The following PCDHA6 variants were observed in gnomAD, a reference collection of about 807,000 sequenced individuals.
The protein encoded by PCDHA6 is protocadherin alpha-6.
In PCDHA6, 55 loss-of-function variants were observed where a neutral mutation model predicts 60.3. The ratio of observed to expected loss-of-function variants is 0.91; its 90% confidence interval spans 0.73 to 1.14. The LOEUF (loss-of-function observed/expected upper bound fraction) is 1.14. PCDHA6 is among the 50% of genes most tolerant of loss of function. The pLI, the probability that PCDHA6 is intolerant of heterozygous loss-of-function variation, is 0.00. For missense variants in PCDHA6, 1,327 were observed against 1,256.5 expected, an observed-to-expected ratio of 1.06 and a Z score of -0.85; for synonymous variants, 652 against 557.9, an observed-to-expected ratio of 1.17 and a Z score of -2.38.
At chr5:140,871,086 G>GGCCACC (rs782688668) in intron 1 of PCDHA6, 1 of 1,613,256 alleles carries the variant, frequency 6.2e-7, no homozygotes, top group Non-Finnish European at 8.5e-7. Context: ...TGACGGCCAC[G>GGCCACC]GCCACCGTGC....
intron 1 of PCDHA6, chr5:140,969,402 T>C: frequency 6.3e-7 from 1 of 1,579,638 alleles, no homozygotes; most frequent in Non-Finnish European, 8.6e-7. Flanking sequence ...TCCTGTGATT[T>C]GGCTTTATTG....
chr5:140,882,798 A>G, intron 1 of PCDHA6: 1 of 1,614,236 alleles, frequency 6.2e-7, no homozygotes, highest in South Asian at 1.1e-5. Context: ...CCCAACGATT[A>G]TTTCACTTTG....
At chr5:140,871,783 G>C (rs1460496699) in intron 1 of PCDHA6, among the ~76,000 whole-genome samples, 3 of 152,196 alleles carry the variant, frequency 2.0e-5, no homozygotes, top group African/African-American at 7.2e-5. Flanking sequence ...GTAGTCACTT[G>C]AGTAGAAATA....
intron 1 of PCDHA6, among the ~76,000 whole-genome samples, chr5:140,974,301 A>G (rs2096621600): frequency 6.6e-6 from 1 of 152,190 alleles, no homozygotes; most frequent in Non-Finnish European, 1.5e-5. Context: ...AGGAGGTACA[A>G]CTGTGAGTGA....
In PCDHA6 at chr5:140,857,433, T is replaced by C. The variant is rs2044590478; in HGVS notation, c.2394+26948T>C. On this transcript the variant is annotated intron_variant, in intron 1 of 3. Transcript: ENST00000529310. ...TTCGCGCAGTCCGAGTACACGGTGTTCGTGAAGGAGAACAACCCGCCAGGC... is the reference window on the plus strand; with the variant it reads ...TTCGCGCAGTCCGAGTACACGGTGTCCGTGAAGGAGAACAACCCGCCAGGC... 2.5e-6 allele frequency: 4 copies of C among 1,598,232 alleles called. 1 individual carries two copies. Among genetic ancestry groups the C allele is most frequent in the Non-Finnish European group, 3.4e-6 (4 of 1,167,768 alleles).
chr5:140,907,252 A>C (rs1459023391), intron 1 of PCDHA6, among the ~76,000 whole-genome samples: 3 of 152,152 alleles, frequency 2.0e-5, no homozygotes, highest in African/African-American at 7.2e-5. Flanking sequence ...TGTAATTGTG[A>C]CTTCAAAAGG....
intron 1 of PCDHA6, chr5:140,875,462 C>T (rs1333440854): frequency 6.3e-7 from 1 of 1,598,882 alleles, no homozygotes; most frequent in Non-Finnish European, 8.5e-7. Flanking sequence ...CAGAGGCCCT[C>T]ATTTTCTGCA....
intron 2 of PCDHA6, among the ~76,000 whole-genome samples, chr5:140,979,718 TGCCATGGG>T (rs1430155366): frequency 1.3e-5 from 2 of 152,270 alleles, no homozygotes; most frequent in Non-Finnish European, 2.9e-5. Context: ...CCAGTATCCA[TGCCATGGG>T]GCCAAATAAA....
At chr5:140,867,257 T>C (rs1396352368) in intron 1 of PCDHA6, 1 of 152,138 alleles carries the variant, frequency 6.6e-6, no homozygotes, top group Non-Finnish European at 1.5e-5. Flanking sequence ...TGTTGTTTCC[T>C]TTTGTTCAAA....
At chr5:140,967,669 G>C in intron 1 of PCDHA6, 9 of 1,614,126 alleles carry the variant, frequency 5.6e-6, no homozygotes, top group Non-Finnish European at 7.6e-6. Flanking sequence ...GCTACACGTC[G>C]GACCGGGAGA....
rs782248969 is a variant in PCDHA6 at position 140,927,466 on chromosome 5, G to A, written c.2395-51483G>A. 67 of 1,614,044 alleles carry A rather than the reference G, an allele frequency of 4.2e-5. No homozygotes were observed. Among genetic ancestry groups the A allele is most frequent in the Non-Finnish European group, 5.4e-5 (64 of 1,180,052 alleles). Reference sequence around the variant, plus strand: ...GGAGTTGGTGTTGGAGAAAGCACTGGATCGCGAACAGCGCGCCACCCACCT... The same window carrying A: ...GGAGTTGGTGTTGGAGAAAGCACTGAATCGCGAACAGCGCGCCACCCACCT... On this transcript the variant is annotated intron_variant, in intron 1 of 3. Coordinates refer to ENST00000529310, the MANE Select transcript of PCDHA6 (RefSeq NM_018909.4).
intron 1 of PCDHA6, chr5:140,884,061 A>G: frequency 1.2e-6 from 2 of 1,613,342 alleles, no homozygotes; most frequent in Non-Finnish European, 1.7e-6. Flanking sequence ...CGCGCGGTGG[A>G]CGCCGATTCG....
At chr5:141,009,327 C>A (rs1445732436) in intron 3 of PCDHA6, among the ~76,000 whole-genome samples, 3 of 152,142 alleles carry the variant, frequency 2.0e-5, no homozygotes, top group Non-Finnish European at 2.9e-5. Context: ...GGCATGGGAG[C>A]TTGTGCCTGT....
chr5:140,968,871 C>A lies in PCDHA6; in HGVS notation c.2395-10078C>A, dbSNP rs782670653. 11 of 1,614,218 alleles carry A rather than the reference C, an allele frequency of 6.8e-6. No individual in the cohort carries two copies. In the South Asian group the frequency reaches 1.2e-4, roughly 18 times the overall value. On this transcript the variant is annotated intron_variant, in intron 1 of 3. Coordinates refer to ENST00000529310, the MANE Select transcript of PCDHA6 (RefSeq NM_018909.4). ...CATGTTAAGAGCCCTCGGACATACT[C>A]TGAAATTACCCTTTATCTAATAATA...
chr5:140,928,792 G>A (rs1190569981), intron 1 of PCDHA6: 2 of 1,614,048 alleles, frequency 1.2e-6, no homozygotes, highest in Non-Finnish European at 1.7e-6. Context: ...TAAGCAGAGG[G>A]TGGTGGTAGT....
intron 1 of PCDHA6, among the ~76,000 whole-genome samples, chr5:140,879,327 A>G (rs2057945221): frequency 6.6e-6 from 1 of 152,232 alleles, no homozygotes; most frequent in South Asian, 2.1e-4. Context: ...TCACTTTTTT[A>G]GTTTGTTCAG....
intron 1 of PCDHA6, among the ~76,000 whole-genome samples, chr5:140,917,338 G>GGTGGGGGGGGGGGGGGGGGGC (rs2078134893): frequency 7.3e-6 from 1 of 137,894 alleles, no homozygotes; most frequent in Non-Finnish European, 1.6e-5. Flanking sequence ...GGAGGGGGGG[G>GGTGGGGGGGGGGGGGGGGGGC]ATGGTGTAGG....
intron 3 of PCDHA6, among the ~76,000 whole-genome samples, chr5:140,988,219 G>C (rs976112285): frequency 1.3e-5 from 2 of 152,132 alleles, no homozygotes; most frequent in African/African-American, 2.4e-5. Flanking sequence ...AAAAAAATGA[G>C]ATCAGGGATC....
At chr5:140,896,583 G>A (rs557774521) in intron 1 of PCDHA6, among the ~76,000 whole-genome samples, 1 of 151,770 alleles carries the variant, frequency 6.6e-6, no homozygotes, top group South Asian at 2.1e-4. Context: ...TGACGTGTTG[G>A]CCAGGCTGGT....
Sources: allele counts gnomAD v4.1 joint callset (sites outside exome capture counted in the v4.1 genomes callset), GRCh38; gene constraint gnomAD v4.1.1; transcripts MANE v1.5; gene names NCBI Gene and HGNC (gene_info 2026-07-23, HGNC 2026-07-21).